The following GPA33 variants were observed in gnomAD, a reference collection of about 807,000 sequenced individuals.
GPA33 encodes cell surface A33 antigen.
GPA33 carries 27 observed loss-of-function variants against 35.6 expected under a neutral mutation model. The ratio of observed to expected loss-of-function variants is 0.76; its 90% CI spans 0.56 to 1.04. GPA33 has a LOEUF of 1.04. Ranked by LOEUF, GPA33 falls within the 50% of genes least tolerant of loss-of-function variation. The pLI, the probability that GPA33 is intolerant of heterozygous loss-of-function variation, is 0.00. For synonymous variants in GPA33, 176 were observed against 164.0 expected (o/e 1.07, Z -0.56); for missense variants, 428 against 411.9 (o/e 1.04, Z -0.34).
In GPA33 at chr1:167,078,267, A is replaced by G. The variant is rs140608254; in HGVS notation, c.44-4728T>C. ...TCAGGGAGATAAGATAGATGCCCACAAAGTCATCTTCTTACCCTGGCAAAT... is the reference window on the plus strand; with the variant it reads ...TCAGGGAGATAAGATAGATGCCCACGAAGTCATCTTCTTACCCTGGCAAAT... On this transcript the variant is annotated intron_variant, in intron 1 of 6. Transcript: ENST00000367868. Among the ~76,000 whole-genome samples the G allele has an allele frequency of 9.8e-3, 1,486 of 152,348 alleles. 9 individuals carry two copies. The highest frequency in any genetic ancestry group is 0.02 in the Middle Eastern group (6 of 294).
intron 4 of GPA33, among the ~76,000 whole-genome samples, chr1:167,059,066 T>C (rs192966182): frequency 4.6e-5 from 7 of 152,298 alleles, no homozygotes; most frequent in Admixed American, 2.6e-4. Context: ...ACTTTTTTAG[T>C]TGTCAGAGTC....
chr1:167,082,208 A>G (rs1666963423), intron 1 of GPA33: 1 of 454,674 alleles, frequency 2.2e-6, no homozygotes, highest in Admixed American at 2.4e-5. Flanking sequence ...TATTTCTAGA[A>G]GAAAATACAC....
At chr1:167,075,729 G>C (rs1372964818) in intron 1 of GPA33, among the ~76,000 whole-genome samples, 1 of 152,212 alleles carries the variant, frequency 6.6e-6, no homozygotes, top group Non-Finnish European at 1.5e-5. Context: ...GATCACTAAG[G>C]AAGTGCATGA....
At chr1:167,074,176 C>T (rs1461126791) in intron 1 of GPA33, among the ~76,000 whole-genome samples, 2 of 151,504 alleles carry the variant, frequency 1.3e-5, no homozygotes, top group Non-Finnish European at 1.5e-5. Flanking sequence ...GCTCTTGCCA[C>T]GTGATGTTGA....
At chr1:167,077,398 A>C (rs1666844989) in intron 1 of GPA33, among the ~76,000 whole-genome samples, 1 of 151,814 alleles carries the variant, frequency 6.6e-6, no homozygotes, top group Non-Finnish European at 1.5e-5. Flanking sequence ...TCTTTACTTC[A>C]CCTCTTCTGT....
intron 3 of GPA33, among the ~76,000 whole-genome samples, chr1:167,068,128 A>C (rs1170595877): frequency 6.6e-6 from 1 of 152,086 alleles, no homozygotes; most frequent in Non-Finnish European, 1.5e-5. Context: ...CATATTAATT[A>C]AAAATAAAAT....
At chr1:167,080,918 G>A (rs1216846122) in intron 1 of GPA33, among the ~76,000 whole-genome samples, 1 of 152,176 alleles carries the variant, frequency 6.6e-6, no homozygotes, top group African/African-American at 2.4e-5. Flanking sequence ...TAAAACCAGA[G>A]AAACTTGGTG....
chr1:167,076,553 A>C (rs1465567157), intron 1 of GPA33, among the ~76,000 whole-genome samples: 1 of 152,210 alleles, frequency 6.6e-6, no homozygotes, highest in African/African-American at 2.4e-5. Flanking sequence ...GAAACAGGGA[A>C]GCATTCGGGT....
intron 1 of GPA33, among the ~76,000 whole-genome samples, chr1:167,079,433 A>C (rs1051845235): frequency 1.1e-4 from 16 of 150,038 alleles, no homozygotes; most frequent in Non-Finnish European, 1.8e-4. Context: ...TGGAGGTTGC[A>C]GTGAGCCGAG....
intron 1 of GPA33, among the ~76,000 whole-genome samples, chr1:167,084,946 A>C (rs953569429): frequency 6.6e-6 from 1 of 152,248 alleles, no homozygotes; most frequent in African/African-American, 2.4e-5. Context: ...TTTGTCATTT[A>C]TTGAGAGAGA....
intron 2 of GPA33, 67 bp from the exon 3 acceptor site, chr1:167,069,205 C>A: frequency 1.9e-6 from 2 of 1,052,300 alleles, no homozygotes; most frequent in East Asian, 2.5e-5. Flanking sequence ...CCAGCCTGCC[C>A]TGACTACCCT....
chr1:167,067,128 C>T (rs12132855), intron 3 of GPA33, among the ~76,000 whole-genome samples: 60,439 of 151,926 alleles, frequency 0.4, 13,685 homozygotes, highest in South Asian at 0.6. Context: ...TCTTTCTTTT[C>T]TCTGTGTTTT....
chr1:167,059,615 A>T (rs992882868), intron 4 of GPA33, among the ~76,000 whole-genome samples: 5 of 151,798 alleles, frequency 3.3e-5, no homozygotes, highest in Admixed American at 6.6e-5. Context: ...CAGGCCCCAG[A>T]ACTACCCCCT....
chr1:167,080,668 C>T (rs1218623437), intron 1 of GPA33, among the ~76,000 whole-genome samples: 2 of 152,194 alleles, frequency 1.3e-5, no homozygotes, highest in Non-Finnish European at 2.9e-5. Flanking sequence ...TTATCCAACT[C>T]CAGGTTGTGA....
intron 1 of GPA33, chr1:167,078,744 A>G (rs1291676739): frequency 6.6e-6 from 1 of 152,254 alleles, no homozygotes; most frequent in African/African-American, 2.4e-5. Flanking sequence ...CAGATTCTAG[A>G]ACTAGAATGC....
In GPA33 at chr1:167,084,739, G is replaced by A. The variant is rs575325974; in HGVS notation, c.43+5506C>T. Among the ~76,000 whole-genome samples the A allele has an allele frequency of 8.5e-5, 13 of 152,304 alleles. No homozygotes were observed. In the South Asian group the frequency reaches 1.7e-3, roughly 19 times the overall value. The stretch of plus-strand genomic sequence containing the variant: ...CCTTGGAAGTGGGTCTTCCAATGCC[G>A]GTTAAGCCAACCCAGCATAAAGCAT... On this transcript the variant is annotated intron_variant, in intron 1 of 6. Transcript: ENST00000367868.
At chr1:167,079,222 G>A (rs1356461400) in intron 1 of GPA33, among the ~76,000 whole-genome samples, 1 of 152,156 alleles carries the variant, frequency 6.6e-6, no homozygotes, top group African/African-American at 2.4e-5. Flanking sequence ...GCTGGGCGTG[G>A]TGGCTCACTC....
chr1:167,063,843 T>C (rs1666527322), intron 3 of GPA33, 106 bp from the exon 4 acceptor site: 1 of 782,398 alleles, frequency 1.3e-6, no homozygotes, highest in African/African-American at 1.8e-5. Context: ...GCCTTGTTTG[T>C]TCACAGGCAG....
chr1:167,065,777 T>G (rs1220506988), intron 3 of GPA33, among the ~76,000 whole-genome samples: 2 of 152,106 alleles, frequency 1.3e-5, no homozygotes, highest in East Asian at 3.9e-4. Context: ...TGAGGGAAAT[T>G]AGAGGCCCTC....
Sources: gnomAD v4.1 joint callset for allele counts (sites outside exome capture counted in the v4.1 genomes callset) on GRCh38, gnomAD v4.1.1 for gene constraint, MANE v1.5 for transcripts, NCBI Gene and HGNC (gene_info 2026-07-23, HGNC 2026-07-21) for gene names.